The following PRUNE2 variants were observed in gnomAD, a reference collection of about 807,000 sequenced individuals.
The protein encoded by PRUNE2 is prune homolog 2 with BCH domain.
Under a neutral mutation model 252.0 loss-of-function variants are expected in PRUNE2, and 164 were observed. The ratio of observed to expected loss-of-function variants is 0.65; its 90% CI spans 0.57 to 0.74. PRUNE2 has a LOEUF of 0.74. PRUNE2 is among the 30% of genes least tolerant of loss of function. PRUNE2 has a pLI of 0.00. For synonymous variants in PRUNE2, 1,292 were observed against 1,350.2 expected, an observed-to-expected ratio of 0.96 and a Z score of 0.94; for missense variants, 3,495 against 3,711.0, an observed-to-expected ratio of 0.94 and a Z score of 1.51.
At chr9:76,780,731 A>C (rs188659654) in intron 6 of PRUNE2, among the ~76,000 whole-genome samples, 1 of 152,192 alleles carries the variant, frequency 6.6e-6, no homozygotes, top group Admixed American at 6.5e-5. Context: ...ACAAGCAGCA[A>C]GAGGGTTTTG....
intron 1 of PRUNE2, among the ~76,000 whole-genome samples, chr9:76,889,050 C>T (rs1034351848): frequency 2.0e-5 from 3 of 152,084 alleles, no homozygotes; most frequent in East Asian, 3.9e-4. Context: ...ACCATGTTGG[C>T]CAGGCTGGTC....
At chr9:76,691,864 G>C (rs957427087) in intron 9 of PRUNE2, 2 of 559,512 alleles carry the variant, frequency 3.6e-6, no homozygotes, top group African/African-American at 3.8e-5. Flanking sequence ...ACGACCACAA[G>C]CTTTTCTAGG....
chr9:76,720,537 A>G (rs2047542953), intron 6 of PRUNE2, among the ~76,000 whole-genome samples: 1 of 152,216 alleles, frequency 6.6e-6, no homozygotes, highest in African/African-American at 2.4e-5. Flanking sequence ...AGCATATATA[A>G]AAGACTGGTC....
chr9:76,897,390 CTTTTTTTTTTTTTTTTTTTT>C (rs55702049), intron 1 of PRUNE2, among the ~76,000 whole-genome samples: 6 of 56,252 alleles, frequency 1.1e-4, no homozygotes, highest in African/African-American at 1.8e-4. Flanking sequence ...AGGCAAACCT[CTTTTTTTTTTTTTTTTTTTT>C]TTTTTTTTTT....
At chr9:76,843,275 G>A (rs1055212455) in intron 4 of PRUNE2, among the ~76,000 whole-genome samples, 36 of 152,226 alleles carry the variant, frequency 2.4e-4, no homozygotes, top group African/African-American at 8.7e-4. Context: ...GCTGAACAAT[G>A]AGAACACATG....
At chr9:76,773,438 C>CTTTTTT (rs35078779) in intron 6 of PRUNE2, among the ~76,000 whole-genome samples, 1 of 107,602 alleles carries the variant, frequency 9.3e-6, no homozygotes, top group Non-Finnish European at 1.8e-5. Flanking sequence ...ACTAGTACAT[C>CTTTTTT]TTTTTTTTTT....
intron 5 of PRUNE2, among the ~76,000 whole-genome samples, chr9:76,824,223 A>C (rs567191509): frequency 6.6e-6 from 1 of 152,294 alleles, no homozygotes; most frequent in East Asian, 1.9e-4. Context: ...GTGGGAGCCC[A>C]TAAGATTAAA....
At chr9:76,646,145 T>C (rs1455649459) in intron 11 of PRUNE2, among the ~76,000 whole-genome samples, 1 of 152,208 alleles carries the variant, frequency 6.6e-6, no homozygotes, top group Non-Finnish European at 1.5e-5. Context: ...TCCCCTGGGC[T>C]AAGAAACTGT....
At chr9:76,879,248 G>A (rs1044419501) in intron 1 of PRUNE2, among the ~76,000 whole-genome samples, 1 of 152,208 alleles carries the variant, frequency 6.6e-6, no homozygotes, top group Non-Finnish European at 1.5e-5. Flanking sequence ...AGAAAGAGAT[G>A]TTTTGCAAAC....
chr9:76,898,706 G>T (rs573152644), intron 1 of PRUNE2, among the ~76,000 whole-genome samples: 177 of 152,160 alleles, frequency 1.2e-3, no homozygotes, highest in Non-Finnish European at 2.0e-3. Context: ...ACCTTAGTTC[G>T]GAAATCCTAG....
intron 1 of PRUNE2, among the ~76,000 whole-genome samples, chr9:76,898,391 A>G (rs1209607083): frequency 6.6e-6 from 1 of 152,188 alleles, no homozygotes; most frequent in Non-Finnish European, 1.5e-5. Context: ...AACACAGACA[A>G]TCTTTGGACT....
At chr9:76,723,494 G>T (rs1291099836) in intron 6 of PRUNE2, among the ~76,000 whole-genome samples, 1 of 152,154 alleles carries the variant, frequency 6.6e-6, no homozygotes, top group Non-Finnish European at 1.5e-5. Flanking sequence ...GCTTAGTTTT[G>T]GTTTGGTTTG....
In PRUNE2 at chr9:76,652,671, G is replaced by A. The variant is rs759127816; in HGVS notation, c.8369C>T (p.Ser2790Phe). 1 of 1,608,714 alleles carries A rather than the reference G, an allele frequency of 6.2e-7. No individual in the cohort carries two copies. The highest frequency in any genetic ancestry group is 1.1e-5 in the South Asian group (1 of 90,922). ...AGGATGAGTGTCATTAAGATCCAGA[G>A]AATTAGGAGGTTCTAAAGAAGAAAG... ...AADMRPEPPN[S>F]LDLNDTHPRR... Residue 2790 changes from serine (S) to phenylalanine (F), a missense_variant, in exon 11 of 19, where the codon TCT (serine) becomes TTT (phenylalanine). Coordinates refer to ENST00000376718, the MANE Select transcript of PRUNE2 (RefSeq NM_015225.3).
At chr9:76,859,363 A>G (rs2060430830) in intron 1 of PRUNE2, among the ~76,000 whole-genome samples, 1 of 152,146 alleles carries the variant, frequency 6.6e-6, no homozygotes, top group African/African-American at 2.4e-5. Flanking sequence ...ATGAAGCTGC[A>G]CTTGTTAGGC....
chr9:76,623,484 G>A (rs920941005), intron 17 of PRUNE2, among the ~76,000 whole-genome samples: 7 of 152,022 alleles, frequency 4.6e-5, no homozygotes, highest in South Asian at 2.1e-4. Context: ...TAGTAGAGAC[G>A]GGGTTTCACC....
At chr9:76,662,785 G>T (rs1007366657) in intron 9 of PRUNE2, among the ~76,000 whole-genome samples, 1 of 152,148 alleles carries the variant, frequency 6.6e-6, no homozygotes, top group Non-Finnish European at 1.5e-5. Flanking sequence ...AAATACTGAC[G>T]GTTATGCTGA....
At chr9:76,733,771 A>G (rs1017939452) in intron 6 of PRUNE2, 1 of 152,282 alleles carries the variant, frequency 6.6e-6, no homozygotes, top group African/African-American at 2.4e-5. Flanking sequence ...ATCAAGAGGT[A>G]AGATAATTAA....
At chr9:76,686,768 A>G (rs10125699) in intron 9 of PRUNE2, among the ~76,000 whole-genome samples, 4,767 of 152,194 alleles carry the variant, frequency 0.031, 217 homozygotes, top group African/African-American at 0.11. Flanking sequence ...GTTTTTAAAA[A>G]AAGTTTTTTG....
In PRUNE2 at chr9:76,703,935, G is replaced by A; in HGVS notation, c.7678C>T (p.His2560Tyr). ...TCTTCACAGGTCTCTGGCTTTGAGTGTGAATTTTCTTCACGGTTTACAAGT... is the reference window on the plus strand; with the variant it reads ...TCTTCACAGGTCTCTGGCTTTGAGTATGAATTTTCTTCACGGTTTACAAGT... ...YILVNREENS[H>Y]SKPETCEERE... Residue 2560 changes from histidine to tyrosine, a missense_variant, in exon 9 of 19, where the codon CAC becomes TAC. Coordinates refer to ENST00000376718, the MANE Select transcript of PRUNE2 (RefSeq NM_015225.3). 3.1e-6 allele frequency: 5 copies of A among 1,613,742 alleles called. No homozygotes were observed. Among genetic ancestry groups the A allele is most frequent in the Non-Finnish European group, 4.2e-6 (5 of 1,179,860 alleles).
Sources: gnomAD v4.1 joint callset for allele counts (sites outside exome capture counted in the v4.1 genomes callset) on GRCh38, gnomAD v4.1.1 for gene constraint, MANE v1.5 for transcripts, NCBI Gene and HGNC (gene_info 2026-07-23, HGNC 2026-07-21) for gene names.